MAPT: variants seen among roughly 807,000 people sequenced by gnomAD.
The protein encoded by MAPT is microtubule associated protein tau, also known as microtubule-associated protein tau.
Under a neutral mutation model 67.9 loss-of-function variants are expected in MAPT, and 34 were observed. The observed-to-expected ratio is 0.50, with a 90% CI of 0.38 to 0.67. The LOEUF is 0.67. MAPT is among the 30% of genes least tolerant of loss of function. The probability of loss-of-function intolerance (pLI) is 0.00; values close to 1 mark genes in which losing one functional copy is unlikely to be tolerated. For synonymous variants in MAPT, 456 were observed against 464.5 expected, an observed-to-expected ratio of 0.98 and a Z score of 0.23; for missense variants, 881 against 1,115.2, an observed-to-expected ratio of 0.79 and a Z score of 2.99.
intron 12 of MAPT, among the ~76,000 whole-genome samples, chr17:46,019,804 G>T (rs1047738881): frequency 4.6e-5 from 7 of 150,994 alleles, no homozygotes; most frequent in Admixed American, 2.0e-4. Flanking sequence ...TTGAGGTCAG[G>T]AGTTCAAGAC....
chr17:45,956,207 A>T lies in MAPT; in HGVS notation c.-17-6114A>T, dbSNP rs2069635293. On this transcript the variant is annotated intron_variant, in intron 1 of 12. Coordinates refer to ENST00000262410, the MANE Select transcript of MAPT (RefSeq NM_001377265.1). Reference sequence around the variant, plus strand: ...TCTGTGCAAAGGAATGAGCTGAAGGATGGGGGTGCAGTGTGTGGGCAGTGG... The same window carrying T: ...TCTGTGCAAAGGAATGAGCTGAAGGTTGGGGGTGCAGTGTGTGGGCAGTGG... 4.6e-5 allele frequency among the ~76,000 whole-genome samples: 7 copies of T among 152,304 alleles called. No homozygotes were observed. The South Asian group carries it at 1.0e-3, about 23-fold the overall frequency.
intron 1 of MAPT, among the ~76,000 whole-genome samples, chr17:45,958,013 C>G (rs1374662137): frequency 6.6e-6 from 1 of 152,134 alleles, no homozygotes; most frequent in South Asian, 2.1e-4. Context: ...ATAAGCAGGA[C>G]AGAGTGCATG....
At chr17:45,909,272 A>G (rs1266540502) in intron 1 of MAPT, among the ~76,000 whole-genome samples, 2 of 152,248 alleles carry the variant, frequency 1.3e-5, no homozygotes, top group East Asian at 3.9e-4. Context: ...CCTGGACCCC[A>G]TGTCACGGGG....
In MAPT at chr17:46,024,164, G is replaced by T; in HGVS notation, c.2495G>T (p.Gly832Val). Residue 832 changes from glycine (G) to valine (V), a missense_variant, in exon 13 of 13, where the codon GGT becomes GTT. This residue lies in a region of MAPT where 79 missense variants were observed against 150.9 expected (regional missense o/e 0.52). Transcript: ENST00000262410. Reference protein sequence around the residue: ...DEVSASLAKQGL With the variant: ...DEVSASLAKQVL ...GTGTCTGCCTCCCTGGCCAAGCAGG[G>T]TTTGTGATCAGGCCCCTGGGGCGGT... The T allele has an allele frequency of 6.2e-7, 1 of 1,613,990 alleles. No homozygotes were observed. The highest frequency in any genetic ancestry group is 8.5e-7 in the Non-Finnish European group (1 of 1,179,932).
intron 3 of MAPT, among the ~76,000 whole-genome samples, chr17:45,972,419 C>T (rs1470084585): frequency 1.3e-5 from 2 of 152,220 alleles, no homozygotes; most frequent in East Asian, 1.9e-4. Flanking sequence ...CTTCTCCTAA[C>T]CTGTCCTTTC....
At chr17:45,985,577 T>C (rs2073457650) in intron 5 of MAPT, 1 of 484,790 alleles carries the variant, frequency 2.1e-6, no homozygotes, top group Non-Finnish European at 2.7e-6. Context: ...GCCTTTAATG[T>C]ACTAATGGCC....
chr17:46,000,126 G>A (rs2074873100), intron 9 of MAPT, among the ~76,000 whole-genome samples: 1 of 152,182 alleles, frequency 6.6e-6, no homozygotes, highest in African/African-American at 2.4e-5. Context: ...GGCGGAGTCT[G>A]AAGAATCCCT....
intron 3 of MAPT, chr17:45,974,027 G>A (rs1218883131): frequency 4.5e-5 from 14 of 311,694 alleles, no homozygotes; most frequent in Non-Finnish European, 8.1e-5. Context: ...GAGTCCCTGT[G>A]CTGTCTTAAG....
intron 2 of MAPT, chr17:45,969,391 TCCTC>T (rs1449921844): frequency 6.6e-6 from 1 of 151,158 alleles, no homozygotes; most frequent in Non-Finnish European, 1.5e-5. Context: ...ACCCATATCT[TCCTC>T]CCTCCACCCA....
chr17:45,968,885 A>G (rs2071359318), intron 2 of MAPT, among the ~76,000 whole-genome samples: 1 of 152,236 alleles, frequency 6.6e-6, no homozygotes, highest in African/African-American at 2.4e-5. Context: ...AGCATTCAAC[A>G]ATTTCATGCT....
chr17:46,011,666 G>A (rs1165967481), intron 10 of MAPT, among the ~76,000 whole-genome samples: 1 of 152,164 alleles, frequency 6.6e-6, no homozygotes, highest in Non-Finnish European at 1.5e-5. Flanking sequence ...AGACCCTTGG[G>A]GTGGGAGGCG....
chr17:45,904,228 A>C (rs1313667851), intron 1 of MAPT, among the ~76,000 whole-genome samples: 2 of 46,864 alleles, frequency 4.3e-5, no homozygotes, highest in East Asian at 7.3e-4. Context: ...TATTATATAT[A>C]TTATATATTA....
At position 45,906,898 on chromosome 17, in the gene MAPT, C is replaced by T. The variant is rs1295174327; in HGVS notation, c.-18+12212C>T. On this transcript the variant is annotated intron_variant, in intron 1 of 12. Transcript: ENST00000262410. The surrounding 1 kb of genome is among the most constrained non-coding windows in gnomAD (Gnocchi z 4.3). ...CAGTTTGCCCCTCTGTTTCCAGTCA[C>T]ACTCTCACCAGCGATAAAATGATTT... Among the ~76,000 whole-genome samples, 1 of 152,184 alleles carries T rather than the reference C, an allele frequency of 6.6e-6. No homozygotes were observed. The highest frequency in any genetic ancestry group is 2.4e-5 in the African/African-American group (1 of 41,432).
rs1211660018 is a variant in MAPT, at chr17:45,915,500, G to A, written c.-18+20814G>A. 6.6e-6 allele frequency among the ~76,000 whole-genome samples: 1 copy of A among 151,050 alleles called. No homozygotes were observed. Among genetic ancestry groups the A allele is most frequent in the Admixed American group, 6.6e-5 (1 of 15,138 alleles). ...GTGTGTTGTGATATGTGTGTGGTGT[G>A]TGAGCATGTGTGTGTGATGTGTCTG... On this transcript the variant is annotated intron_variant, in intron 1 of 12. Transcript: ENST00000262410. This position sits in a 1 kb window ranked among gnomAD's most constrained non-coding sequence, Gnocchi z 4.4.
intron 5 of MAPT, among the ~76,000 whole-genome samples, chr17:45,984,789 G>T (rs1041189357): frequency 5.9e-5 from 9 of 152,218 alleles, no homozygotes; most frequent in African/African-American, 2.2e-4. Context: ...TGGGAGGAGA[G>T]TCCCAAGTAT....
In MAPT at chr17:46,028,063, G is replaced by GA. The variant is rs2076894484; in HGVS notation, c.*3896dup. ...AAACTTCTGATTTCTCTTCAGCTTT[G>GA]AAAAGGGTTACCCTGGGCACTGGCC... On this transcript the variant is annotated 3_prime_UTR_variant, in exon 13 of 13. Coordinates refer to ENST00000262410, the MANE Select transcript of MAPT (RefSeq NM_001377265.1). 1 of 154,072 alleles carries GA rather than the reference G, an allele frequency of 6.5e-6. No individual in the cohort carries two copies. Among genetic ancestry groups the GA allele is most frequent in the Non-Finnish European group, 1.4e-5 (1 of 69,128 alleles). The allele number at this position is 154,072 out of a possible 1,614,324, so 9.5% of individuals were successfully genotyped here.
chr17:45,946,183 G>A lies in MAPT; in HGVS notation c.-17-16138G>A, dbSNP rs151321098. Among the ~76,000 whole-genome samples, 290 of 152,202 alleles carry A rather than the reference G, an allele frequency of 1.9e-3. 1 individual carries two copies. Among genetic ancestry groups the A allele is most frequent in the African/African-American group, 6.8e-3 (282 of 41,520 alleles). On this transcript the variant is annotated intron_variant, in intron 1 of 12. Coordinates refer to ENST00000262410, the MANE Select transcript of MAPT (RefSeq NM_001377265.1). ...CATCCACTTGGGGCTCTGGGTTCAG[G>A]GGATTCATTTCAGGCAGATTAAAGT...
At chr17:45,901,586 G>A (rs1270959980) in intron 1 of MAPT, among the ~76,000 whole-genome samples, 1 of 152,094 alleles carries the variant, frequency 6.6e-6, no homozygotes, top group Non-Finnish European at 1.5e-5. Context: ...TAATAAATTC[G>A]GCCTAAGAAG....
intron 3 of MAPT, 149 bp from the exon 4 acceptor site, chr17:45,978,226 G>C (rs766890997): frequency 2.8e-6 from 2 of 726,042 alleles, no homozygotes; most frequent in South Asian, 3.0e-5. Context: ...CATTTGCAGA[G>C]AAGCCAGAGC....
Sources: allele counts gnomAD v4.1 joint callset (sites outside exome capture counted in the v4.1 genomes callset), GRCh38; gene constraint gnomAD v4.1.1; regional missense constraint gnomAD v4.1.1; non-coding constraint Gnocchi (gnomAD v3.1); transcripts MANE v1.5; gene names NCBI Gene and HGNC (gene_info 2026-07-23, HGNC 2026-07-21).